Variants in ZNF778 observed in about 807,000 individuals in gnomAD.
ZNF778 encodes the protein zinc finger protein 778.
A neutral mutation model predicts 23.9 loss-of-function variants in ZNF778; 37 were observed. The ratio of observed to expected loss-of-function variants is 1.54; its 90% CI spans 1.19 to 2.03. The LOEUF is 2.03. ZNF778 is among the 30% of genes most tolerant of loss of function. The pLI, the probability that ZNF778 is intolerant of heterozygous loss-of-function variation, is 0.00. For synonymous variants in ZNF778, 483 were observed against 343.9 expected (o/e 1.40, Z -4.48); for missense variants, 1,297 against 934.4 (o/e 1.39, Z -5.06).
In ZNF778 at chr16:89,236,018, A is replaced by G. The variant is rs1389999693; in HGVS notation, c.*7456A>G. ...GTAAAAAAAAAAAAAAAAAAGAAAA[A>G]TACAAAAATTTAGTTGGGCGTGGTG... On this transcript the variant is annotated 3_prime_UTR_variant, in exon 7 of 7. Coordinates refer to ENST00000433976, the MANE Select transcript of ZNF778 (RefSeq NM_001201407.2). The G allele has an allele frequency of 2.0e-5, 3 of 151,438 alleles. No homozygotes were observed. Among genetic ancestry groups the G allele is most frequent in the African/African-American group, 7.3e-5 (3 of 41,256 alleles). The allele number at this position is 151,438 out of a possible 1,614,324, so 9.4% of individuals were successfully genotyped here.
rs2031143606 is a variant in ZNF778, at chr16:89,223,235, C to T, written c.196C>T (p.Leu66Phe). Residue 66 changes from leucine to phenylalanine, a missense_variant, in exon 4 of 7, where the codon CTC (leucine) becomes TTC (phenylalanine). By Grantham distance (22) the Leu-to-Phe change is conservative. Transcript: ENST00000433976. Reference sequence around the variant, plus strand: ...TTTACTGGACCCATCTCAGAGAGACCTCTACAGAGATGTGATGCTGGAAAA... The same window carrying T: ...TTTACTGGACCCATCTCAGAGAGACTTCTACAGAGATGTGATGCTGGAAAA... ...WTLLDPSQRD[L>F]YRDVMLENYE... 1 of 1,614,004 alleles carries T rather than the reference C, an allele frequency of 6.2e-7. No homozygotes were observed. Among genetic ancestry groups the T allele is most frequent in the Non-Finnish European group, 8.5e-7 (1 of 1,179,958 alleles).
rs777655611 is a variant in ZNF778, at chr16:89,225,576, G to A, written c.350G>A (p.Gly117Glu). The A allele has an allele frequency of 6.2e-7, 1 of 1,612,150 alleles. No homozygotes were observed. The change falls in exon 6 of 7, where the codon GGG becomes GAG. Residue 117 changes from glycine to glutamate, a missense_variant. Physicochemically the swap from Gly to Glu is moderately conservative, Grantham distance 98. Transcript: ENST00000433976. ...VLQEWRLKTK[G>E]PALRQDRSWF... ...TCAGAATGGCGACTTAAAACCAAAG[G>A]GCCAGCACTTCGGCAGGATAGATCT...
In ZNF778 at chr16:89,227,731, T is replaced by C. The variant is rs761199398; in HGVS notation, c.1443T>C (p.Asp481=). The change falls in exon 7 of 7, where the codon GAT becomes GAC. Residue 481 remains aspartate, a synonymous_variant. Transcript: ENST00000433976. ...GAGAGAAACCATATGAATGTAAAGATTGTGGGAAATCCTTCACTGTTTCTT... is the reference window on the plus strand; with the variant it reads ...GAGAGAAACCATATGAATGTAAAGACTGTGGGAAATCCTTCACTGTTTCTT... ...HTGEKPYECK[D]CGKSFTVSSS... 9 of 1,613,220 alleles carry C rather than the reference T, an allele frequency of 5.6e-6. No individual in the cohort carries two copies. The Admixed American group carries it at 1.0e-4, about 18-fold the overall frequency.
At chr16:89,218,757 C>CTCCA (rs2030617463) in intron 1 of ZNF778, among the ~76,000 whole-genome samples, 2 of 152,026 alleles carry the variant, frequency 1.3e-5, no homozygotes, top group Middle Eastern at 3.4e-3. Context: ...CGCCACTGCA[C>CTCCA]TCCAGCCTGG....
intron 1 of ZNF778, among the ~76,000 whole-genome samples, chr16:89,220,726 A>G (rs2151628611): frequency 6.6e-6 from 1 of 152,236 alleles, no homozygotes; most frequent in Middle Eastern, 3.4e-3. Flanking sequence ...ACCACTTCCT[A>G]AGTGGATGAT....
intron 3 of ZNF778, 118 bp downstream of exon 3, chr16:89,222,301 A>T: frequency 1.6e-6 from 1 of 624,942 alleles, no homozygotes; most frequent in Non-Finnish European, 2.6e-6. Flanking sequence ...CCCTAGTTGA[A>T]CGCCTCCAGG....
At chr16:89,218,106 C>G (rs993637309) in intron 1 of ZNF778, 196 bp downstream of exon 1, 27 of 152,384 alleles carry the variant, frequency 1.8e-4, no homozygotes, top group African/African-American at 6.5e-4. Flanking sequence ...GCGCGCGTCC[C>G]TCGCCGCCGG....
intron 3 of ZNF778, among the ~76,000 whole-genome samples, chr16:89,222,770 A>G (rs1293095262): frequency 6.6e-6 from 1 of 152,250 alleles, no homozygotes; most frequent in Non-Finnish European, 1.5e-5. Flanking sequence ...CTGGGAACTT[A>G]TTTCCACATC....
chr16:89,235,177 A>G lies in ZNF778; in HGVS notation c.*6615A>G, dbSNP rs1377085852. On this transcript the variant is annotated 3_prime_UTR_variant, in exon 7 of 7. Coordinates refer to ENST00000433976, the MANE Select transcript of ZNF778 (RefSeq NM_001201407.2). Reference sequence around the variant, plus strand: ...GCCTCTTTTTTTTAATGAAGAAAAGAGGTTTATTTTGTTCACAATTCTGAA... The same window carrying G: ...GCCTCTTTTTTTTAATGAAGAAAAGGGGTTTATTTTGTTCACAATTCTGAA... 1 of 152,040 alleles carries G rather than the reference A, an allele frequency of 6.6e-6. No individual in the cohort carries two copies. Among genetic ancestry groups the G allele is most frequent in the Non-Finnish European group, 1.5e-5 (1 of 68,020 alleles). The allele number at this position is 152,040 out of a possible 1,614,324, so 9.4% of individuals were successfully genotyped here.
At chr16:89,223,525 A>G (rs1339988260) in intron 4 of ZNF778, among the ~76,000 whole-genome samples, 1 of 152,204 alleles carries the variant, frequency 6.6e-6, no homozygotes, top group African/African-American at 2.4e-5. Context: ...TTGGATCAGA[A>G]TGTCTCCTGG....
Position 89,235,527 on chromosome 16 carries a change from A to G in ZNF778, c.*6965A>G, listed in dbSNP as rs1032479398. 6.6e-6 allele frequency: 1 copy of G among 152,234 alleles called. No homozygotes were observed. Among genetic ancestry groups the G allele is most frequent in the African/African-American group, 2.4e-5 (1 of 41,444 alleles). 9.4% of individuals were successfully genotyped at this position (152,234 alleles called of 1,614,324 possible). On this transcript the variant is annotated 3_prime_UTR_variant, in exon 7 of 7. Coordinates refer to ENST00000433976, the MANE Select transcript of ZNF778 (RefSeq NM_001201407.2). The stretch of plus-strand genomic sequence containing the variant: ...GGAAAGCACGACCCACATGGTTTCA[A>G]TAGAACTTGCCTCCTGAACCTGACT...
intron 4 of ZNF778, 140 bp from the exon 5 acceptor site, chr16:89,224,579 A>G (rs2031293456): frequency 5.0e-6 from 3 of 598,818 alleles, no homozygotes; most frequent in Non-Finnish European, 9.1e-6. Flanking sequence ...AGATTGCACC[A>G]CTGCACTCCA....
Position 89,219,212 on chromosome 16 carries a change from T to A in ZNF778, c.-132+1302T>A, listed in dbSNP as rs139972651. The stretch of plus-strand genomic sequence containing the variant: ...TCCAACATTGCGCTGTTGGGTATTT[T>A]GGGGACTAAGAGCCCTTCAAGGTTT... On this transcript the variant is annotated intron_variant, in intron 1 of 6. Coordinates refer to ENST00000433976, the MANE Select transcript of ZNF778 (RefSeq NM_001201407.2). 2.7e-3 allele frequency among the ~76,000 whole-genome samples: 417 copies of A among 152,372 alleles called. 1 individual carries two copies. Among genetic ancestry groups the A allele is most frequent in the African/African-American group, 9.4e-3 (391 of 41,594 alleles).
rs1770676511 is a variant in ZNF778 at position 89,233,996 on chromosome 16, C to T, written c.*5434C>T. On this transcript the variant is annotated 3_prime_UTR_variant, in exon 7 of 7. Coordinates refer to ENST00000433976, the MANE Select transcript of ZNF778 (RefSeq NM_001201407.2). Reference sequence around the variant, plus strand: ...AGCCCCAGACTTCATCCTGCCCTGTCCTGCCTTTCCTGTGAAAACCCTGTG... The same window carrying T: ...AGCCCCAGACTTCATCCTGCCCTGTTCTGCCTTTCCTGTGAAAACCCTGTG... 2 of 1,199,728 alleles carry T rather than the reference C, an allele frequency of 1.7e-6. No individual in the cohort carries two copies. Among genetic ancestry groups the T allele is most frequent in the Non-Finnish European group, 2.2e-6 (2 of 907,084 alleles). The allele number at this position is 1,199,728 out of a possible 1,614,324, so 74.3% of individuals were successfully genotyped here. A position where few individuals can be genotyped will look rare whatever the true frequency, so the allele number is the denominator to read the frequency against.
At position 89,236,745 on chromosome 16, in the gene ZNF778, C is replaced by G. The variant is rs2032250502; in HGVS notation, c.*8183C>G. ...GTGGCAAAATACCATTCCAGAAGGA[C>G]TGGAAAAGCTAAGTCTGTATATTTT... On this transcript the variant is annotated 3_prime_UTR_variant, in exon 7 of 7. Transcript: ENST00000433976. 1 of 152,160 alleles carries G rather than the reference C, an allele frequency of 6.6e-6. No homozygotes were observed. Among genetic ancestry groups the G allele is most frequent in the Non-Finnish European group, 1.5e-5 (1 of 68,036 alleles). The allele number at this position is 152,160 out of a possible 1,614,324, so 9.4% of individuals were successfully genotyped here. A position where few individuals can be genotyped will look rare whatever the true frequency, so the allele number is the denominator to read the frequency against.
Position 89,222,102 on chromosome 16 carries a change from T to G in ZNF778, c.36T>G (p.Val12=). 6.3e-7 allele frequency: 1 copy of G among 1,598,232 alleles called. No individual in the cohort carries two copies. The highest frequency in any genetic ancestry group is 8.5e-7 in the Non-Finnish European group (1 of 1,170,326). The part of the protein sequence containing the change: ...AAPDLAHGGH[V]SRDSVCLHEE... ...TTCTTTGTTTTTTAGGAGGTCATGT[T>G]TCTAGGGACTCAGTCTGCCTTCATG... is the stretch of plus-strand genomic sequence containing the variant. Residue 12 remains valine (V), a synonymous_variant, in exon 3 of 7, where the codon GTT becomes GTG. Transcript: ENST00000433976.
intron 5 of ZNF778, 64 bp from the exon 6 acceptor site, chr16:89,225,491 G>C: frequency 7.7e-7 from 1 of 1,302,820 alleles, no homozygotes; most frequent in East Asian, 2.5e-5. Context: ...TTTCTGCCAT[G>C]TCTTATATGA....
At chr16:89,220,705 C>T (rs2030847562) in intron 1 of ZNF778, among the ~76,000 whole-genome samples, 1 of 152,112 alleles carries the variant, frequency 6.6e-6, no homozygotes, top group African/African-American at 2.4e-5. Context: ...ACCAGCTAAC[C>T]GTCCTGGTTC....
Position 89,224,580 on chromosome 16 carries a change from C to T in ZNF778, c.245-139C>T, listed in dbSNP as rs574792921. ...GTTGCAGTGAGCCGAGATTGCACCA[C>T]TGCACTCCAGCCTGGGCAACAGCGC... On this transcript the variant is annotated intron_variant, in intron 4 of 6. Transcript: ENST00000433976. The T allele has an allele frequency of 2.1e-5, 13 of 605,948 alleles. 1 individual carries two copies. In the East Asian group the frequency reaches 4.0e-4, roughly 18 times the overall value. The allele number at this position is 605,948 out of a possible 1,614,324, so 37.5% of individuals were successfully genotyped here.
Sources: allele counts gnomAD v4.1 joint callset (sites outside exome capture counted in the v4.1 genomes callset), GRCh38; gene constraint gnomAD v4.1.1; transcripts MANE v1.5; gene names NCBI Gene and HGNC (gene_info 2026-07-23, HGNC 2026-07-21).